ASTN2: variants seen among roughly 807,000 people sequenced by gnomAD.
ASTN2 encodes the protein astrotactin 2.
Under a neutral mutation model 139.8 loss-of-function variants are expected in ASTN2, and 54 were observed. That is an observed-to-expected ratio of 0.39 (90% confidence interval 0.31 to 0.48). ASTN2 has a LOEUF of 0.48. ASTN2 is among the 20% of genes least tolerant of loss of function. The pLI is 0.95. For synonymous variants in ASTN2, 756 were observed against 719.5 expected (o/e 1.05, Z -0.81); for missense variants, 1,565 against 1,725.1 (o/e 0.91, Z 1.64).
intron 15 of ASTN2, among the ~76,000 whole-genome samples, chr9:116,728,166 C>G (rs1301406654): frequency 1.3e-5 from 2 of 152,066 alleles, no homozygotes; most frequent in Non-Finnish European, 2.9e-5. Context: ...CATACATGAG[C>G]ACCAACAACG....
At chr9:116,826,659 C>T (rs943300) in intron 11 of ASTN2, among the ~76,000 whole-genome samples, 119,948 of 151,294 alleles carry the variant, frequency 0.79, 47,738 homozygotes, top group East Asian at 0.91. Context: ...CAAAATCTAC[C>T]CATACATCAG....
At chr9:117,036,448 T>A (rs1332322927) in intron 6 of ASTN2, among the ~76,000 whole-genome samples, 2 of 152,212 alleles carry the variant, frequency 1.3e-5, no homozygotes, top group Admixed American at 6.5e-5. Context: ...GGGAGAACCC[T>A]CCCCTCCAAG....
At chr9:116,718,972 G>GTATATATATATATATATATATATATATA (rs373217069) in intron 16 of ASTN2, among the ~76,000 whole-genome samples, 6,362 of 97,544 alleles carry the variant, frequency 0.065, 1,136 homozygotes, top group Middle Eastern at 0.081. Context: ...ACCTGTATCT[G>GTATATATATATATATATATATATATATA]TACATATATA....
intron 3 of ASTN2, among the ~76,000 whole-genome samples, chr9:117,205,466 C>T (rs1350642113): frequency 6.6e-6 from 1 of 152,162 alleles, no homozygotes; most frequent in Non-Finnish European, 1.5e-5. Flanking sequence ...CAAGATCACA[C>T]TATAAGTAAA....
At chr9:117,100,656 A>G (rs1828955359) in intron 4 of ASTN2, among the ~76,000 whole-genome samples, 1 of 152,272 alleles carries the variant, frequency 6.6e-6, no homozygotes, top group Non-Finnish European at 1.5e-5. Context: ...AACAAATATT[A>G]CTGAGCAAAT....
At chr9:117,166,104 A>G (rs181628950) in intron 3 of ASTN2, among the ~76,000 whole-genome samples, 1 of 152,244 alleles carries the variant, frequency 6.6e-6, no homozygotes, top group East Asian at 1.9e-4. Context: ...TTTATGGTAC[A>G]CAGACATTGA....
chr9:117,005,442 C>T (rs1490103772), intron 7 of ASTN2, among the ~76,000 whole-genome samples: 1 of 152,068 alleles, frequency 6.6e-6, no homozygotes, highest in African/African-American at 2.4e-5. Context: ...AGAAGTAGGG[C>T]TCAGTCATCC....
chr9:116,582,196 G>A (rs1853977263), intron 19 of ASTN2: 1 of 152,180 alleles, frequency 6.6e-6, no homozygotes. Flanking sequence ...GTCCTTTCCT[G>A]TCTCCAGGAC....
At chr9:116,788,361 G>A (rs1360708607) in intron 13 of ASTN2, among the ~76,000 whole-genome samples, 1 of 152,160 alleles carries the variant, frequency 6.6e-6, no homozygotes, top group African/African-American at 2.4e-5. Context: ...GTGAGATGAT[G>A]AACATGTTTA....
chr9:117,201,406 C>T (rs1189596425), intron 3 of ASTN2, among the ~76,000 whole-genome samples: 1 of 151,278 alleles, frequency 6.6e-6, no homozygotes, highest in East Asian at 1.9e-4. Context: ...GCTCTTGGCT[C>T]TCTAGCTCTT....
At chr9:117,380,597 C>CAAAAAAA (rs1199618121) in intron 1 of ASTN2, among the ~76,000 whole-genome samples, 2 of 92,640 alleles carry the variant, frequency 2.2e-5, no homozygotes. Context: ...GAGCAAGACT[C>CAAAAAAA]AAAAAAAAAA....
At chr9:116,978,524 G>C (rs532943202) in intron 7 of ASTN2, among the ~76,000 whole-genome samples, 5,344 of 137,418 alleles carry the variant, frequency 0.039, 292 homozygotes, top group African/African-American at 0.13. Flanking sequence ...CACACACACA[G>C]AGAGATAAAC....
At chr9:117,026,935 T>C (rs1238234407) in intron 6 of ASTN2, among the ~76,000 whole-genome samples, 1 of 152,154 alleles carries the variant, frequency 6.6e-6, no homozygotes, top group Non-Finnish European at 1.5e-5. Flanking sequence ...TTAAATAACT[T>C]AAGGCTACAT....
chr9:116,791,733 C>G lies in ASTN2; in HGVS notation c.2396+13899G>C, dbSNP rs1038842916. Among the ~76,000 whole-genome samples, 9 of 152,316 alleles carry G rather than the reference C, an allele frequency of 5.9e-5. 1 individual carries two copies. The South Asian group carries it at 1.5e-3, about 25-fold the overall frequency. ...CGTTTAGACCAGCCTGAGTTACGGC[C>G]TGCATTTGAGTGTAATGAAATTGCG... On this transcript the variant is annotated intron_variant, in intron 13 of 22. Coordinates refer to ENST00000313400, the MANE Select transcript of ASTN2 (RefSeq NM_001365068.1).
intron 5 of ASTN2, among the ~76,000 whole-genome samples, chr9:117,045,062 T>C (rs1587897621): frequency 6.6e-6 from 1 of 152,224 alleles, no homozygotes; most frequent in East Asian, 1.9e-4. Context: ...CAGGATACCC[T>C]CATGTAGAAA....
intron 10 of ASTN2, among the ~76,000 whole-genome samples, chr9:116,933,546 C>A (rs1588422414): frequency 6.6e-6 from 1 of 151,960 alleles, no homozygotes; most frequent in South Asian, 2.1e-4. Flanking sequence ...ATTCATTTCA[C>A]AAGAGGGGGA....
chr9:116,997,155 A>G (rs1234610741), intron 7 of ASTN2, among the ~76,000 whole-genome samples: 1 of 152,130 alleles, frequency 6.6e-6, no homozygotes, highest in East Asian at 1.9e-4. Flanking sequence ...CAAGTTCCCA[A>G]TAAGAAAAAG....
At chr9:117,058,925 G>A (rs1382177878) in intron 5 of ASTN2, among the ~76,000 whole-genome samples, 2 of 152,224 alleles carry the variant, frequency 1.3e-5, no homozygotes, top group Admixed American at 6.5e-5. Context: ...GACATGAGAT[G>A]GGGCTGGAGA....
At chr9:116,919,144 A>G (rs1250788589) in intron 10 of ASTN2, among the ~76,000 whole-genome samples, 1 of 152,226 alleles carries the variant, frequency 6.6e-6, no homozygotes, top group Non-Finnish European at 1.5e-5. Context: ...GCATGAGAGT[A>G]AAACCTAACC....
Sources: allele counts gnomAD v4.1 joint callset (sites outside exome capture counted in the v4.1 genomes callset), GRCh38; gene constraint gnomAD v4.1.1; transcripts MANE v1.5; gene names NCBI Gene and HGNC (gene_info 2026-07-23, HGNC 2026-07-21).